TXNRD1: variants seen among roughly 807,000 people sequenced by gnomAD.
The protein encoded by TXNRD1 is thioredoxin reductase 1.
In TXNRD1, 57 loss-of-function variants were observed where a neutral mutation model predicts 80.3. The ratio of observed to expected loss-of-function variants is 0.71; its 90% CI spans 0.57 to 0.89. The LOEUF (loss-of-function observed/expected upper bound fraction) is 0.89. TXNRD1 is among the 40% of genes least tolerant of loss of function. The pLI, the probability that TXNRD1 is intolerant of heterozygous loss-of-function variation, is 0.00. For synonymous variants in TXNRD1, 291 were observed against 285.2 expected, an observed-to-expected ratio of 1.02 and a Z score of -0.20; for missense variants, 730 against 803.0, an observed-to-expected ratio of 0.91 and a Z score of 1.10.
intron 13 of TXNRD1, among the ~76,000 whole-genome samples, chr12:104,328,369 G>A (rs2035837526): frequency 6.6e-6 from 1 of 152,026 alleles, no homozygotes; most frequent in East Asian, 1.9e-4. Flanking sequence ...CACTTATCTA[G>A]GCTATAAAAG....
intron 7 of TXNRD1, among the ~76,000 whole-genome samples, chr12:104,317,276 A>G (rs976946390): frequency 9.2e-5 from 14 of 151,930 alleles, no homozygotes; most frequent in Non-Finnish European, 5.9e-5. Context: ...GAGGCCAGGC[A>G]GGGAGGTTAG....
chr12:104,278,189 CTTT>C (rs202175579), intron 3 of TXNRD1, among the ~76,000 whole-genome samples: 30 of 98,288 alleles, frequency 3.1e-4, no homozygotes, highest in African/African-American at 1.1e-3. Flanking sequence ...TGATCAAATT[CTTT>C]TTTTTTTTTT....
At chr12:104,324,746 A>G (rs991448312) in intron 10 of TXNRD1, among the ~76,000 whole-genome samples, 9 of 152,132 alleles carry the variant, frequency 5.9e-5, no homozygotes, top group African/African-American at 1.9e-4. Context: ...GCCATCACTC[A>G]AGTATCAGGG....
chr12:104,286,583 G>A (rs2033974850), intron 3 of TXNRD1: 2 of 366,228 alleles, frequency 5.5e-6, no homozygotes, highest in Non-Finnish European at 7.6e-6. Context: ...AATCACCTTT[G>A]GAGTTTTTTT....
chr12:104,302,254 T>C (rs1007427339), intron 4 of TXNRD1, among the ~76,000 whole-genome samples: 4 of 152,224 alleles, frequency 2.6e-5, no homozygotes, highest in African/African-American at 9.7e-5. Context: ...TTTTGCTGTT[T>C]ATACATTTAC....
At chr12:104,242,412 G>A (rs35473944) in intron 1 of TXNRD1, among the ~76,000 whole-genome samples, 5,783 of 151,898 alleles carry the variant, frequency 0.038, 160 homozygotes, top group Middle Eastern at 0.082. Context: ...GCCAGGCATG[G>A]TGGCGCACGC....
intron 15 of TXNRD1, among the ~76,000 whole-genome samples, chr12:104,334,643 G>A (rs747586679): frequency 2.4e-4 from 36 of 152,268 alleles, no homozygotes; most frequent in Non-Finnish European, 4.6e-4. Context: ...GTGCTGGAAT[G>A]TACAGGCGTG....
At chr12:104,288,618 C>T (rs1340624964) in intron 3 of TXNRD1, 4 of 540,822 alleles carry the variant, frequency 7.4e-6, no homozygotes, top group South Asian at 6.6e-5. Context: ...CGGGATTTAC[C>T]GGGAAAGTAG....
At chr12:104,275,745 A>C (rs946368011) in intron 3 of TXNRD1, among the ~76,000 whole-genome samples, 3 of 152,094 alleles carry the variant, frequency 2.0e-5, no homozygotes, top group Non-Finnish European at 4.4e-5. Flanking sequence ...TGAATGACCA[A>C]CCTGTAAAAG....
Position 104,318,117 on chromosome 12 carries a change from C to CCAGTCTGGG in TXNRD1, c.731-784_731-776dup, listed in dbSNP as rs1156519598. Reference sequence around the variant, plus strand: ...TGAGCCCAGATTGAGCCACTGCATTCCAGTCTGGGCAGTCTGGGCAACCAA... The same window carrying CCAGTCTGGG: ...TGAGCCCAGATTGAGCCACTGCATTCCAGTCTGGGCAGTCTGGGCAGTCTGGGCAACCAA... On this transcript the variant is annotated intron_variant, in intron 7 of 16. Transcript: ENST00000525566. Among the ~76,000 whole-genome samples, 3 of 152,316 alleles carry CCAGTCTGGG rather than the reference C, an allele frequency of 2.0e-5. No homozygotes were observed. In the East Asian group the frequency reaches 5.8e-4, roughly 29 times the overall value.
intron 8 of TXNRD1, 132 bp downstream of exon 8, chr12:104,319,187 T>G: frequency 8.5e-7 from 1 of 1,170,094 alleles, no homozygotes; most frequent in South Asian, 1.7e-5. Flanking sequence ...TTTGGTGATT[T>G]TGCTATCATA....
At chr12:104,304,621 A>G in intron 4 of TXNRD1, 1 of 1,613,940 alleles carries the variant, frequency 6.2e-7, no homozygotes, top group Non-Finnish European at 8.5e-7. Flanking sequence ...GATTGTTGCA[A>G]ACCTACTTTC....
chr12:104,308,409 G>A (rs959873548), intron 4 of TXNRD1, among the ~76,000 whole-genome samples: 1 of 152,094 alleles, frequency 6.6e-6, no homozygotes, highest in Non-Finnish European at 1.5e-5. Context: ...GTCTTTTGTT[G>A]TCAGACATTA....
intron 1 of TXNRD1, among the ~76,000 whole-genome samples, chr12:104,238,047 G>A (rs1038768673): frequency 3.3e-5 from 5 of 151,808 alleles, no homozygotes; most frequent in South Asian, 4.2e-4. Flanking sequence ...AAAAATAAAC[G>A]CTTAAATAAA....
At chr12:104,309,998 C>G (rs1011543513) in intron 4 of TXNRD1, 14 of 1,536,142 alleles carry the variant, frequency 9.1e-6, no homozygotes, top group African/African-American at 1.4e-5. Context: ...CACCGCACCC[C>G]CTTCCACATC....
Position 104,245,517 on chromosome 12 carries a change from C to CAAA in TXNRD1, c.92-5987_92-5985dup, listed in dbSNP as rs10622971. On this transcript the variant is annotated intron_variant, in intron 1 of 16. Coordinates refer to ENST00000525566, the MANE Select transcript of TXNRD1 (RefSeq NM_001093771.3). ...GGGCAACAAGAGCGAAACTCCATCT[C>CAAA]AAAAAAAAAAAAAAAAAAAAAAAAA... Among the ~76,000 whole-genome samples the CAAA allele has an allele frequency of 2.8e-3, 81 of 29,262 alleles. 23 individuals are homozygous for CAAA. The highest frequency in any genetic ancestry group is 3.5e-3 in the Non-Finnish European group (52 of 14,894). 19.2% of individuals were successfully genotyped at this position (29,262 alleles called of 152,430 possible).
chr12:104,263,021 G>A (rs1332946797), intron 3 of TXNRD1, among the ~76,000 whole-genome samples: 1 of 152,004 alleles, frequency 6.6e-6, no homozygotes, highest in Non-Finnish European at 1.5e-5. Context: ...CATAAATTAA[G>A]GTTATTATTT....
At chr12:104,259,110 G>A (rs993118241) in intron 3 of TXNRD1, among the ~76,000 whole-genome samples, 1 of 152,104 alleles carries the variant, frequency 6.6e-6, no homozygotes, top group African/African-American at 2.4e-5. Context: ...CTGGCATGGT[G>A]GCTCGCTTCT....
intron 2 of TXNRD1, among the ~76,000 whole-genome samples, chr12:104,254,644 A>ATATATAT (rs1555207848): frequency 2.8e-4 from 26 of 93,628 alleles, no homozygotes; most frequent in African/African-American, 1.1e-3. Flanking sequence ...AAAAAAAAAA[A>ATATATAT]ATATATATAT....
Sources: allele counts gnomAD v4.1 joint callset (sites outside exome capture counted in the v4.1 genomes callset), GRCh38; gene constraint gnomAD v4.1.1; transcripts MANE v1.5; gene names NCBI Gene and HGNC (gene_info 2026-07-23, HGNC 2026-07-21).